UBASH3B: variants seen among roughly 807,000 people sequenced by gnomAD.
UBASH3B encodes ubiquitin associated and SH3 domain containing B.
Under a neutral mutation model 83.4 loss-of-function variants are expected in UBASH3B, and 37 were observed. That is an observed-to-expected ratio of 0.44 (90% CI 0.34 to 0.58). UBASH3B has a LOEUF of 0.58. Ranked by LOEUF, UBASH3B falls within the 20% of genes least tolerant of loss-of-function variation. The pLI is 0.01. For synonymous variants in UBASH3B, 304 were observed against 318.3 expected (o/e 0.96, Z 0.48); for missense variants, 657 against 827.2 (o/e 0.79, Z 2.52).
chr11:122,782,781 G>A lies in UBASH3B; in HGVS notation c.602-272G>A, dbSNP rs558930051. On this transcript the variant is annotated intron_variant, in intron 4 of 13. Transcript: ENST00000284273. ...ACCACCAACTGGAATGTTGTGAGAA[G>A]GACTTAACTAAAAGGACTGCCCTCA... is the stretch of plus-strand genomic sequence containing the variant. 34 of 357,438 alleles carry A rather than the reference G, an allele frequency of 9.5e-5. No homozygotes were observed. In the East Asian group the frequency reaches 1.0e-3, roughly 11 times the overall value. 22.1% of individuals were successfully genotyped at this position (357,438 alleles called of 1,614,324 possible).
intron 1 of UBASH3B, among the ~76,000 whole-genome samples, chr11:122,744,871 C>CTGTGTGTG (rs1472956565): frequency 2.3e-4 from 6 of 26,014 alleles, no homozygotes; most frequent in African/African-American, 8.6e-4. Context: ...ACATGTGTGA[C>CTGTGTGTG]TCTGTGTGTG....
chr11:122,692,211 A>C (rs1863905856), intron 1 of UBASH3B, among the ~76,000 whole-genome samples: 1 of 152,202 alleles, frequency 6.6e-6, no homozygotes, highest in Admixed American at 6.5e-5. Context: ...GGTACTCCAT[A>C]TAAGTCAGCA....
chr11:122,701,954 C>G (rs140320881), intron 1 of UBASH3B, among the ~76,000 whole-genome samples: 2 of 152,102 alleles, frequency 1.3e-5, no homozygotes, highest in Non-Finnish European at 2.9e-5. Context: ...CCTGGGCTCA[C>G]GTGATCCTCC....
chr11:122,683,483 C>T lies in UBASH3B; in HGVS notation c.161+27273C>T, dbSNP rs374392003. On this transcript the variant is annotated intron_variant, in intron 1 of 13. Coordinates refer to ENST00000284273, the MANE Select transcript of UBASH3B (RefSeq NM_032873.5). Reference sequence around the variant, plus strand: ...TACAAAAATTAGCCGGGCGTGGTGGCGCACGCCTGTAATCCCAGCTACTTG... The same window carrying T: ...TACAAAAATTAGCCGGGCGTGGTGGTGCACGCCTGTAATCCCAGCTACTTG... Among the ~76,000 whole-genome samples the T allele has an allele frequency of 2.6e-5, 4 of 151,054 alleles. No homozygotes were observed. The South Asian group carries it at 6.3e-4, about 24-fold the overall frequency.
At chr11:122,703,422 G>A (rs551917887) in intron 1 of UBASH3B, among the ~76,000 whole-genome samples, 36 of 148,722 alleles carry the variant, frequency 2.4e-4, no homozygotes, top group African/African-American at 7.0e-4. Context: ...GCAGGCCTCC[G>A]TCTCAAAAAA....
intron 1 of UBASH3B, among the ~76,000 whole-genome samples, chr11:122,683,061 G>C (rs925395358): frequency 6.6e-6 from 1 of 151,674 alleles, no homozygotes; most frequent in Non-Finnish European, 1.5e-5. Flanking sequence ...GGCCAGCCTG[G>C]GCAATACAGT....
rs1045148152 is a variant in UBASH3B, at chr11:122,758,434, T to A, written c.162-17785T>A. ...TCCAGAGCATCTGCCAGGAACTGTT[T>A]TACCAAAAGATTCCCTCCAGGAGCT... On this transcript the variant is annotated intron_variant, in intron 1 of 13. Transcript: ENST00000284273. The surrounding 1 kb of genome is among the most constrained non-coding windows in gnomAD (Gnocchi z 4.2). Among the ~76,000 whole-genome samples, 4 of 152,188 alleles carry A rather than the reference T, an allele frequency of 2.6e-5. No homozygotes were observed. The highest frequency in any genetic ancestry group is 7.2e-5 in the African/African-American group (3 of 41,448).
At chr11:122,742,889 A>G (rs770833770) in intron 1 of UBASH3B, among the ~76,000 whole-genome samples, 3 of 152,160 alleles carry the variant, frequency 2.0e-5, no homozygotes, top group Non-Finnish European at 4.4e-5. Context: ...AATTATGTAA[A>G]TGGAGTGACC....
At chr11:122,710,448 G>A (rs1233751324) in intron 1 of UBASH3B, among the ~76,000 whole-genome samples, 1 of 152,152 alleles carries the variant, frequency 6.6e-6, no homozygotes, top group Non-Finnish European at 1.5e-5. Flanking sequence ...ACCCTGCAAG[G>A]CAGGTCCAGT....
intron 9 of UBASH3B, 136 bp from the exon 10 acceptor site, chr11:122,798,806 A>C (rs1861199172): frequency 5.1e-6 from 3 of 587,560 alleles, no homozygotes; most frequent in Non-Finnish European, 9.0e-6. Context: ...AAAGGCTGAA[A>C]CTACTGGCTC....
intron 13 of UBASH3B, 75 bp from the exon 14 acceptor site, chr11:122,809,674 T>C (rs1261801833): frequency 6.6e-7 from 1 of 1,509,886 alleles, no homozygotes; most frequent in Non-Finnish European, 9.1e-7. Flanking sequence ...CACATGAATA[T>C]CTTTGTATTT....
intron 1 of UBASH3B, among the ~76,000 whole-genome samples, chr11:122,678,166 T>G (rs1863691780): frequency 6.6e-6 from 1 of 152,232 alleles, no homozygotes; most frequent in African/African-American, 2.4e-5. Context: ...AATACCATCA[T>G]ATTAAAGGTT....
At chr11:122,773,660 A>G (rs937429180) in intron 1 of UBASH3B, among the ~76,000 whole-genome samples, 5 of 152,178 alleles carry the variant, frequency 3.3e-5, no homozygotes, top group African/African-American at 1.2e-4. Context: ...TTTTCAGAAC[A>G]AAGAATTTGG....
At chr11:122,696,888 G>A (rs561066112) in intron 1 of UBASH3B, among the ~76,000 whole-genome samples, 10 of 152,316 alleles carry the variant, frequency 6.6e-5, no homozygotes, top group African/African-American at 1.4e-4. Context: ...CAGAGCAAGC[G>A]TGGGTGGGGG....
At chr11:122,676,541 C>CA (rs1863670285) in intron 1 of UBASH3B, among the ~76,000 whole-genome samples, 1 of 151,772 alleles carries the variant, frequency 6.6e-6, no homozygotes, top group African/African-American at 2.4e-5. Flanking sequence ...AACTCCATCT[C>CA]AAAAAAATAA....
intron 10 of UBASH3B, among the ~76,000 whole-genome samples, chr11:122,799,828 C>T (rs1230805657): frequency 6.6e-6 from 1 of 152,184 alleles, no homozygotes; most frequent in Non-Finnish European, 1.5e-5. Context: ...ACAGGTATCT[C>T]CATTCTCATT....
intron 1 of UBASH3B, among the ~76,000 whole-genome samples, chr11:122,698,677 A>G (rs1863994121): frequency 6.6e-6 from 1 of 151,936 alleles, no homozygotes; most frequent in South Asian, 2.1e-4. Context: ...TCAGAACCTA[A>G]AGCTAGTTCC....
chr11:122,784,220 C>T (rs1860909237), intron 5 of UBASH3B, among the ~76,000 whole-genome samples: 1 of 152,126 alleles, frequency 6.6e-6, no homozygotes, highest in African/African-American at 2.4e-5. Context: ...AAGCGTGAGC[C>T]GCAGCACCTG....
In UBASH3B at chr11:122,700,401, C is replaced by CT. The variant is rs555040212; in HGVS notation, c.161+44195dup. Among the ~76,000 whole-genome samples the CT allele has an allele frequency of 2.6e-5, 4 of 151,288 alleles. No homozygotes were observed. The East Asian group carries it at 7.8e-4, about 29-fold the overall frequency. ...GGTTTAGTGGATACAGTTAACAATT[C>CT]TTTTCCAAACACCATTACATCTTAA... On this transcript the variant is annotated intron_variant, in intron 1 of 13. Coordinates refer to ENST00000284273, the MANE Select transcript of UBASH3B (RefSeq NM_032873.5).
Sources: gnomAD v4.1 joint callset for allele counts (sites outside exome capture counted in the v4.1 genomes callset) on GRCh38, gnomAD v4.1.1 for gene constraint, Gnocchi (gnomAD v3.1) non-coding constraint, MANE v1.5 for transcripts, NCBI Gene and HGNC (gene_info 2026-07-23, HGNC 2026-07-21) for gene names.